SYT16: variants seen among roughly 807,000 people sequenced by gnomAD.
SYT16 encodes the protein synaptotagmin 16.
Under a neutral mutation model 61.4 loss-of-function variants are expected in SYT16, and 42 were observed. The observed-to-expected ratio is 0.68, with a 90% CI of 0.53 to 0.89. The LOEUF is 0.89. SYT16 is among the 40% of genes least tolerant of loss of function. The pLI, the probability that SYT16 is intolerant of heterozygous loss-of-function variation, is 0.00. For synonymous variants in SYT16, 314 were observed against 302.3 expected (o/e 1.04, Z -0.40); for missense variants, 804 against 807.3 (o/e 1.00, Z 0.05).
intron 1 of SYT16, among the ~76,000 whole-genome samples, chr14:61,869,070 T>C (rs1357815373): frequency 2.0e-5 from 3 of 152,148 alleles, no homozygotes; most frequent in African/African-American, 4.8e-5. Flanking sequence ...TATTGTGAAA[T>C]TTAACCTTAG....
chr14:61,859,705 T>C (rs964775121), intron 1 of SYT16, among the ~76,000 whole-genome samples: 2 of 151,846 alleles, frequency 1.3e-5, no homozygotes, highest in Admixed American at 1.3e-4. Context: ...GAAAACCAAA[T>C]TAAGTCACCT....
intron 1 of SYT16, among the ~76,000 whole-genome samples, chr14:61,963,600 A>G (rs1595030865): frequency 6.6e-6 from 1 of 152,184 alleles, no homozygotes; most frequent in African/African-American, 2.4e-5. Flanking sequence ...GAAAAAAGCC[A>G]TCCCCATTAC....
chr14:62,048,462 G>A (rs1198865144), intron 3 of SYT16, among the ~76,000 whole-genome samples: 1 of 151,948 alleles, frequency 6.6e-6, no homozygotes, highest in Admixed American at 6.6e-5. Context: ...AGGGTTTTTT[G>A]TGTCTCTATT....
intron 2 of SYT16, among the ~76,000 whole-genome samples, chr14:61,974,226 A>G (rs750941756): frequency 2.7e-4 from 41 of 152,238 alleles, no homozygotes; most frequent in South Asian, 8.3e-4. Flanking sequence ...GAATGAGTCA[A>G]TGTGCCTGCT....
At chr14:62,097,651 CA>C (rs2057312328) in intron 7 of SYT16, among the ~76,000 whole-genome samples, 1 of 152,172 alleles carries the variant, frequency 6.6e-6, no homozygotes, top group Non-Finnish European at 1.5e-5. Context: ...CTGGTGTCTT[CA>C]GACTGGATTG....
intron 7 of SYT16, among the ~76,000 whole-genome samples, chr14:62,088,848 A>C (rs2056973758): frequency 6.6e-6 from 1 of 152,162 alleles, no homozygotes; most frequent in Non-Finnish European, 1.5e-5. Context: ...TAGGTATAAT[A>C]TACTGGGGAA....
intron 3 of SYT16, among the ~76,000 whole-genome samples, chr14:62,052,349 G>C (rs1157195516): frequency 2.6e-5 from 4 of 152,002 alleles, no homozygotes; most frequent in African/African-American, 9.7e-5. Context: ...TTAAAAATGT[G>C]GTTTCTGGTT....
At chr14:61,920,113 C>T (rs74054906) in intron 1 of SYT16, among the ~76,000 whole-genome samples, 165 of 152,236 alleles carry the variant, frequency 1.1e-3, no homozygotes, top group African/African-American at 3.9e-3. Flanking sequence ...TGATGCTGGT[C>T]CTTTGGCCTC....
intron 1 of SYT16, among the ~76,000 whole-genome samples, chr14:61,914,593 C>T (rs1193978473): frequency 1.3e-5 from 2 of 149,200 alleles, no homozygotes; most frequent in Middle Eastern, 3.4e-3. Context: ...AAAGTGGCAC[C>T]ATCTGTTGGC....
At chr14:62,008,119 A>T (rs111819746) in intron 3 of SYT16, among the ~76,000 whole-genome samples, 1 of 152,042 alleles carries the variant, frequency 6.6e-6, no homozygotes, top group Non-Finnish European at 1.5e-5. Flanking sequence ...TTATTTATTT[A>T]TAAAAATATG....
intron 1 of SYT16, among the ~76,000 whole-genome samples, chr14:61,895,028 A>G (rs2140345636): frequency 6.6e-6 from 1 of 152,218 alleles, no homozygotes; most frequent in South Asian, 2.1e-4. Flanking sequence ...CTCACTCCTC[A>G]GCTCTGCCCA....
At chr14:62,082,746 T>C (rs1001513791) in intron 6 of SYT16, among the ~76,000 whole-genome samples, 1 of 152,234 alleles carries the variant, frequency 6.6e-6, no homozygotes, top group African/African-American at 2.4e-5. Flanking sequence ...AGCTTGGGAA[T>C]GGGGATGATC....
chr14:62,078,172 A>AAACACACACACAC (rs1555382591), intron 5 of SYT16, among the ~76,000 whole-genome samples: 1 of 128,786 alleles, frequency 7.8e-6, no homozygotes, highest in African/African-American at 3.1e-5. Flanking sequence ...TATATATATA[A>AAACACACACACAC]ACACACACAC....
chr14:61,814,907 C>T (rs1481809829), intron 1 of SYT16, among the ~76,000 whole-genome samples: 1 of 152,186 alleles, frequency 6.6e-6, no homozygotes, highest in Non-Finnish European at 1.5e-5. Flanking sequence ...CTTCTGTTAG[C>T]ATGGAGATGA....
intron 5 of SYT16, chr14:62,077,562 A>T (rs903574150): frequency 6.6e-6 from 1 of 152,246 alleles, no homozygotes; most frequent in African/African-American, 2.4e-5. Flanking sequence ...TGAGAAGTTA[A>T]TTAAAATCTG....
chr14:62,011,032 G>A (rs1301129598), intron 3 of SYT16, among the ~76,000 whole-genome samples: 1 of 152,142 alleles, frequency 6.6e-6, no homozygotes, highest in Non-Finnish European at 1.5e-5. Flanking sequence ...CCTTTGCGAA[G>A]TTGGATTTAT....
In SYT16 at chr14:62,100,953, G is replaced by A; in HGVS notation, c.*246G>A. On this transcript the variant is annotated 3_prime_UTR_variant, in exon 8 of 8. Coordinates refer to ENST00000683842, the MANE Select transcript of SYT16 (RefSeq NM_001367656.1). ...ATATTATACCACAATTAAGACCACT[G>A]ATGAGTTAATTTGTGCCAATAGATC... is the stretch of plus-strand genomic sequence containing the variant. 1 of 430,562 alleles carries A rather than the reference G, an allele frequency of 2.3e-6. No individual in the cohort carries two copies. Among genetic ancestry groups the A allele is most frequent in the Non-Finnish European group, 4.2e-6 (1 of 240,926 alleles). 26.7% of individuals were successfully genotyped at this position (430,562 alleles called of 1,614,324 possible).
intron 1 of SYT16, among the ~76,000 whole-genome samples, chr14:61,954,478 A>T (rs183265829): frequency 1.1e-4 from 17 of 152,238 alleles, no homozygotes; most frequent in African/African-American, 4.1e-4. Flanking sequence ...CACGCCAGAC[A>T]TACAGTTAAC....
intron 7 of SYT16, among the ~76,000 whole-genome samples, chr14:62,088,100 A>C (rs1456388578): frequency 1.3e-5 from 2 of 152,210 alleles, no homozygotes; most frequent in African/African-American, 4.8e-5. Context: ...AGAATCTAGC[A>C]GTTACGTTCT....
Sources: allele counts gnomAD v4.1 joint callset (sites outside exome capture counted in the v4.1 genomes callset), GRCh38; gene constraint gnomAD v4.1.1; transcripts MANE v1.5; gene names NCBI Gene and HGNC (gene_info 2026-07-23, HGNC 2026-07-21).